ATG9B: variants seen among roughly 807,000 people sequenced by gnomAD.
ATG9B encodes the protein autophagy-related protein 9B.
ATG9B carries 92 observed loss-of-function variants against 92.9 expected under a neutral mutation model. That is an observed-to-expected ratio of 0.99 (90% confidence interval 0.84 to 1.18). ATG9B has a LOEUF of 1.18. Ranked by LOEUF, ATG9B falls within the 50% of genes most tolerant of loss-of-function variation. The pLI is 0.00. For synonymous variants in ATG9B, 599 were observed against 551.4 expected, an observed-to-expected ratio of 1.09 and a Z score of -1.21; for missense variants, 1,344 against 1,235.0, an observed-to-expected ratio of 1.09 and a Z score of -1.32.
chr7:151,013,844 A>G (rs760492774), downstream of ATG9B: 3 of 1,606,024 alleles, frequency 1.9e-6, no homozygotes, highest in Admixed American at 5.1e-5. Flanking sequence ...CGTCCTGCAG[A>G]CCGTGCAGCG....
chr7:151,022,865 C>CT (rs1563264245), intron 4 of ATG9B, among the ~76,000 whole-genome samples, 180 bp downstream of exon 4: 2 of 151,838 alleles, frequency 1.3e-5, no homozygotes, highest in Non-Finnish European at 2.9e-5. Context: ...ACTTAATACA[C>CT]TTTAAGTACA....
chr7:151,012,548 G>T, downstream of ATG9B: 1 of 1,518,366 alleles, frequency 6.6e-7, no homozygotes, highest in Non-Finnish European at 9.0e-7. Context: ...TGGAAGGCAG[G>T]AAATAGGAAA....
chr7:151,014,616 T>G (rs896138218), downstream of ATG9B: 22 of 155,478 alleles, frequency 1.4e-4, no homozygotes, highest in South Asian at 1.9e-3. Context: ...TTTTTTTGTT[T>G]TTTTTTTTTT....
chr7:151,024,095 G>A lies in ATG9B; in HGVS notation c.329C>T (p.Ala110Val). 1 of 1,606,184 alleles carries A rather than the reference G, an allele frequency of 6.2e-7. No individual in the cohort carries two copies. Among genetic ancestry groups the A allele is most frequent in the Non-Finnish European group, 8.5e-7 (1 of 1,176,622 alleles). The change falls in exon 1 of 14, where the codon GCA becomes GTA. Residue 110 changes from alanine (A) to valine (V), a missense_variant. By Grantham distance (64) the Ala-to-Val change is moderately conservative. Transcript: ENST00000639579. ...GGAGTGGGATCCCCAGGAGGGAGATGCAGAGGCAGGTGTCATTGCAGGTTG... is the reference window on the plus strand; with the variant it reads ...GGAGTGGGATCCCCAGGAGGGAGATACAGAGGCAGGTGTCATTGCAGGTTG... Reference protein sequence around the residue: ...QAQPAMTPASASPSWGSHSTP... With the variant: ...QAQPAMTPASVSPSWGSHSTP...
At position 151,018,837 on chromosome 7, in the gene ATG9B, C is replaced by T; in HGVS notation, c.1501G>A (p.Ala501Thr). The change falls in exon 6 of 14, where the codon GCG becomes ACG. Residue 501 changes from alanine to threonine, a missense_variant. Ala to Thr is a moderately conservative substitution (Grantham distance 58, BLOSUM62 0). Coordinates refer to ENST00000639579, the MANE Select transcript of ATG9B (RefSeq NM_001317056.2). This position sits in a 1 kb window ranked among gnomAD's most constrained non-coding sequence, Gnocchi z 4.7. ...HFNELPHELR[A>T]RLARAYRPAA... Reference sequence around the variant, plus strand: ...GGGCGGTAGGCGCGGGCCAGGCGCGCGCGCAGCTCGTGCGGCAGCTCGTTG... The same window carrying T: ...GGGCGGTAGGCGCGGGCCAGGCGCGTGCGCAGCTCGTGCGGCAGCTCGTTG... 1 of 1,291,812 alleles carries T rather than the reference C, an allele frequency of 7.7e-7. No homozygotes were observed. The highest frequency in any genetic ancestry group is 9.8e-7 in the Non-Finnish European group (1 of 1,023,430). 80.0% of individuals were successfully genotyped at this position (1,291,812 alleles called of 1,614,324 possible).
At chr7:151,013,448 C>T (rs1228802048), downstream of ATG9B, 12 of 1,526,936 alleles carry the variant, frequency 7.9e-6, no homozygotes, top group Non-Finnish European at 9.7e-6. Flanking sequence ...CGCTCTCCAG[C>T]GGGGCACACC....
downstream of ATG9B, chr7:151,012,513 C>A: frequency 1.3e-6 from 2 of 1,593,392 alleles, no homozygotes; most frequent in Non-Finnish European, 1.7e-6. Context: ...GGGAGTCACA[C>A]AATCTAGGGA....
chr7:151,013,789 G>T (rs751995387), downstream of ATG9B: 1 of 1,611,288 alleles, frequency 6.2e-7, no homozygotes, highest in Non-Finnish European at 8.5e-7. Flanking sequence ...TGTGCCTCGA[G>T]CGGGGCCACA....
downstream of ATG9B, chr7:151,013,747 G>A (rs1338954646): frequency 1.2e-6 from 2 of 1,610,198 alleles, no homozygotes; most frequent in East Asian, 2.2e-5. Flanking sequence ...ACATCCTGAG[G>A]ACGGAGCTGG....
At chr7:151,017,371 G>GACCACAATGGGGACTTGTTC in intron 8 of ATG9B, 99 bp from the exon 9 acceptor site, 1 of 1,176,822 alleles carries the variant, frequency 8.5e-7, no homozygotes, top group Non-Finnish European at 1.2e-6. Flanking sequence ...GAAGGAAACA[G>GACCACAATGGGGACTTGTTC]ACCACAATGG....
Position 151,018,600 on chromosome 7 carries a change from CCGGGCATCTGCCGTCGCACCTGG to C in ATG9B, c.1715_1718+19del. On this transcript the variant is annotated splice_donor_variant and splice_donor_5th_base_variant and coding_sequence_variant and intron_variant, in exon 6 of 14. Coordinates refer to ENST00000639579, the MANE Select transcript of ATG9B (RefSeq NM_001317056.2). LOFTEE classifies it high-confidence loss of function. This position sits in a 1 kb window ranked among gnomAD's most constrained non-coding sequence, Gnocchi z 4.7. ...AGAGAAACCAACACACACCACCACCCCGGGCATCTGCCGTCGCACCTGGCGACGGTGGCGGTGACCCCGAGCGC... is the reference window on the plus strand; with the variant it reads ...AGAGAAACCAACACACACCACCACCCCGACGGTGGCGGTGACCCCGAGCGC... 6.3e-7 allele frequency: 1 copy of C among 1,591,566 alleles called. No individual in the cohort carries two copies. Among genetic ancestry groups the C allele is most frequent in the Non-Finnish European group, 8.5e-7 (1 of 1,173,992 alleles).
Position 151,018,772 on chromosome 7 carries a change from G to C in ATG9B, c.1566C>G (p.Pro522=). ...AFLRTAAPPA[P]LRTLLARQLV... Reference sequence around the variant, plus strand: ...GCTGGCGGGCCAGCAGCGTGCGCAGGGGCGCGGGGGGCGCAGCGGTGCGCA... The same window carrying C: ...GCTGGCGGGCCAGCAGCGTGCGCAGCGGCGCGGGGGGCGCAGCGGTGCGCA... Residue 522 remains proline (P), a synonymous_variant, in exon 6 of 14, where the codon CCC becomes CCG. Coordinates refer to ENST00000639579, the MANE Select transcript of ATG9B (RefSeq NM_001317056.2). This position sits in a 1 kb window ranked among gnomAD's most constrained non-coding sequence, Gnocchi z 4.7. The C allele has an allele frequency of 6.9e-7, 1 of 1,453,318 alleles. No individual in the cohort carries two copies. Among genetic ancestry groups the C allele is most frequent in the Non-Finnish European group, 9.0e-7 (1 of 1,107,518 alleles). The allele number at this position is 1,453,318 out of a possible 1,614,324, so 90.0% of individuals were successfully genotyped here.
At chr7:151,017,763 G>A (rs1795561646) in intron 8 of ATG9B, 108 bp downstream of exon 8, 3 of 1,331,434 alleles carry the variant, frequency 2.3e-6, no homozygotes, top group East Asian at 2.5e-5. Context: ...CCCGCTCAAC[G>A]GCACAGGTAG....
In ATG9B at chr7:151,024,044, G is replaced by T. The variant is rs1421325799; in HGVS notation, c.380C>A (p.Pro127His). The T allele has an allele frequency of 5.0e-6, 8 of 1,588,270 alleles. No homozygotes were observed. The highest frequency in any genetic ancestry group is 6.9e-6 in the Non-Finnish European group (8 of 1,167,460). Residue 127 changes from proline to histidine, a missense_variant, in exon 1 of 14, where the codon CCC becomes CAC. Physicochemically the swap from Pro to His is moderately conservative, Grantham distance 77 (BLOSUM62 -2). Coordinates refer to ENST00000639579, the MANE Select transcript of ATG9B (RefSeq NM_001317056.2). ...HSTPPLAPAT[P>H]TPSQQCPQDS... Reference sequence around the variant, plus strand: ...CTGGGGGCACTGCTGTGAGGGAGTGGGGGTTGCCGGGGCCAGGGGTGGGGT... The same window carrying T: ...CTGGGGGCACTGCTGTGAGGGAGTGTGGGTTGCCGGGGCCAGGGGTGGGGT...
chr7:151,014,052 C>T, downstream of ATG9B: 1 of 1,613,734 alleles, frequency 6.2e-7, no homozygotes, highest in Non-Finnish European at 8.5e-7. Context: ...TCACGCTGCG[C>T]ACCCAGGAGG....
At chr7:151,016,312 C>G in intron 11 of ATG9B, 77 bp from the exon 12 acceptor site, 1 of 1,479,066 alleles carries the variant, frequency 6.8e-7, no homozygotes, top group African/African-American at 1.4e-5. Context: ...AGGCAGAGGG[C>G]TTTTCAGCCT....
At chr7:151,014,423 C>A (rs571644639), downstream of ATG9B, 2 of 471,506 alleles carry the variant, frequency 4.2e-6, no homozygotes, top group South Asian at 8.3e-5. Flanking sequence ...GGGCCTACTG[C>A]CACCCGCTTC....
Position 151,023,705 on chromosome 7 carries a change from C to A in ATG9B, c.576G>T (p.Leu192=). 1 of 1,614,084 alleles carries A rather than the reference C, an allele frequency of 6.2e-7. No individual in the cohort carries two copies. The highest frequency in any genetic ancestry group is 8.5e-7 in the Non-Finnish European group (1 of 1,180,034). Residue 192 remains leucine (L), a synonymous_variant, in exon 2 of 14, where the codon CTG becomes CTT. Coordinates refer to ENST00000639579, the MANE Select transcript of ATG9B (RefSeq NM_001317056.2). ...LRGSWHHIQN[L]DSFFTKIYSY... is the part of the protein sequence containing the mutation. The stretch of plus-strand genomic sequence containing the variant: ...AGGATATCTTGGTGAAGAAACTGTC[C>A]AGGTTCTGGATGTGATGCCAGGAGC...
chr7:151,017,721 A>G, intron 8 of ATG9B, 150 bp downstream of exon 8: 2 of 978,460 alleles, frequency 2.0e-6, no homozygotes, highest in Non-Finnish European at 2.9e-6. Context: ...CATCTGACAG[A>G]CGAGGGCACG....
Sources: allele counts gnomAD v4.1 joint callset (sites outside exome capture counted in the v4.1 genomes callset), GRCh38; gene constraint gnomAD v4.1.1; non-coding constraint Gnocchi (gnomAD v3.1); transcripts MANE v1.5; gene names NCBI Gene and HGNC (gene_info 2026-07-23, HGNC 2026-07-21).